ACTN1: variants seen among roughly 807,000 people sequenced by gnomAD.
The protein encoded by ACTN1 is alpha-actinin-1.
Under a neutral mutation model 119.6 loss-of-function variants are expected in ACTN1, and 30 were observed. The observed-to-expected ratio is 0.25, with a 90% CI of 0.19 to 0.34. ACTN1 has a LOEUF of 0.34. Among genes scored for constraint, ACTN1 ranks in the 10% least tolerant of loss-of-function variants. ACTN1 has a pLI of 1.00. For missense variants in ACTN1, 764 were observed against 1,223.4 expected (o/e 0.62, Z 5.60); for synonymous variants, 429 against 472.6 (o/e 0.91, Z 1.20).
chr14:68,945,545 G>C (rs1236433423), intron 1 of ACTN1, among the ~76,000 whole-genome samples: 1 of 152,226 alleles, frequency 6.6e-6, no homozygotes, highest in Non-Finnish European at 1.5e-5. Context: ...AGATGGAAAA[G>C]AGTGGCTGAA....
rs545249864 is a variant in ACTN1 at position 68,899,709 on chromosome 14, C to T, written c.762+2768G>A. Among the ~76,000 whole-genome samples, 7 of 152,358 alleles carry T rather than the reference C, an allele frequency of 4.6e-5. No individual in the cohort carries two copies. In the East Asian group the frequency reaches 1.3e-3, roughly 29 times the overall value. ...GTCACCAGCCAGGACACAGAGAAGG[C>T]TTCAGAGACAGGGAAGGCCAGCACC... is the stretch of plus-strand genomic sequence containing the variant. On this transcript the variant is annotated intron_variant, in intron 8 of 21. Transcript: ENST00000394419.
At chr14:68,910,623 C>G (rs774906835) in intron 4 of ACTN1, among the ~76,000 whole-genome samples, 19 of 152,096 alleles carry the variant, frequency 1.2e-4, no homozygotes, top group Non-Finnish European at 1.5e-5. Flanking sequence ...CACGGAGCTC[C>G]CAGCACAGAA....
intron 11 of ACTN1, chr14:68,887,977 C>T (rs1319572842): frequency 2.6e-5 from 20 of 777,254 alleles, no homozygotes; most frequent in South Asian, 5.4e-5. Context: ...CTGCGTTTTT[C>T]GGCTTCGCTT....
intron 4 of ACTN1, 128 bp downstream of exon 4, chr14:68,912,028 A>G: frequency 1.3e-6 from 1 of 757,236 alleles, no homozygotes; most frequent in Non-Finnish European, 2.2e-6. Flanking sequence ...ATGCCCAATA[A>G]ATGAGCAAGA....
chr14:68,920,878 G>A (rs892605444), intron 3 of ACTN1, 128 bp downstream of exon 3: 3 of 1,282,750 alleles, frequency 2.3e-6, no homozygotes, highest in South Asian at 1.4e-5. Flanking sequence ...CCAGATGGAG[G>A]TGCTGGGGAC....
chr14:68,879,832 G>A lies in ACTN1; in HGVS notation c.2280+130C>T. The A allele has an allele frequency of 7.4e-7, 1 of 1,343,916 alleles. No homozygotes were observed. The highest frequency in any genetic ancestry group is 1.0e-6 in the Non-Finnish European group (1 of 990,518). The allele number at this position is 1,343,916 out of a possible 1,614,324, so 83.2% of individuals were successfully genotyped here. A position where few individuals can be genotyped will look rare whatever the true frequency, so the allele number is the denominator to read the frequency against. Reference sequence around the variant, plus strand: ...TTGCAGGGTGCATTGAGTCAGGGCAGGCTGACGGCAGTTTCCCCTTTCTCT... The same window carrying A: ...TTGCAGGGTGCATTGAGTCAGGGCAAGCTGACGGCAGTTTCCCCTTTCTCT... On this transcript the variant is annotated intron_variant, in intron 18 of 21. Coordinates refer to ENST00000394419, the MANE Select transcript of ACTN1 (RefSeq NM_001130004.2). This position sits in a 1 kb window ranked among gnomAD's most constrained non-coding sequence, Gnocchi z 4.9.
intron 1 of ACTN1, among the ~76,000 whole-genome samples, chr14:68,967,365 C>T (rs1278016601): frequency 2.6e-5 from 4 of 152,196 alleles, no homozygotes; most frequent in Non-Finnish European, 5.9e-5. Context: ...ACTGGATACT[C>T]GGTGAATACC....
chr14:68,962,109 C>T (rs1234873466), intron 1 of ACTN1, among the ~76,000 whole-genome samples: 2 of 152,196 alleles, frequency 1.3e-5, no homozygotes, highest in Non-Finnish European at 2.9e-5. Context: ...GCCAACTAGG[C>T]TAGCAGCTTC....
chr14:68,936,687 G>A (rs564417928), intron 1 of ACTN1: 1 of 631,934 alleles, frequency 1.6e-6, no homozygotes, highest in East Asian at 3.6e-5. Context: ...TGAAGTCCTG[G>A]GCAAGAAGCC....
At chr14:68,877,378 T>C in intron 20 of ACTN1, 138 bp from the exon 21 acceptor site, 1 of 1,080,500 alleles carries the variant, frequency 9.3e-7, no homozygotes, top group Non-Finnish European at 1.3e-6. Flanking sequence ...ACCTGGGTTG[T>C]CCTAAGGGTA....
chr14:68,881,457 C>T (rs2031503581), intron 16 of ACTN1, among the ~76,000 whole-genome samples: 1 of 152,168 alleles, frequency 6.6e-6, no homozygotes, highest in Admixed American at 6.5e-5. Context: ...CCACCTGAAT[C>T]CCATTCATCC....
intron 1 of ACTN1, among the ~76,000 whole-genome samples, chr14:68,962,647 T>G (rs1448857372): frequency 6.6e-6 from 1 of 152,188 alleles, no homozygotes; most frequent in Non-Finnish European, 1.5e-5. Flanking sequence ...TGTTAGAAAT[T>G]CTATTCTGAG....
At chr14:68,936,496 T>C (rs1273339225) in intron 1 of ACTN1, 2 of 330,974 alleles carry the variant, frequency 6.0e-6, no homozygotes, top group Non-Finnish European at 1.1e-5. Flanking sequence ...TGTGCTGTCA[T>C]TACCTTTTTT....
chr14:68,930,431 C>T (rs2035171883), intron 1 of ACTN1, among the ~76,000 whole-genome samples: 1 of 152,202 alleles, frequency 6.6e-6, no homozygotes, highest in Non-Finnish European at 1.5e-5. Context: ...TGAATAATCA[C>T]ACTCTGCAAG....
At position 68,874,818 on chromosome 14, in the gene ACTN1, A is replaced by T. The variant is rs1312467312; in HGVS notation, c.*41T>A. The T allele has an allele frequency of 6.6e-7, 1 of 1,512,154 alleles. No individual in the cohort carries two copies. The highest frequency in any genetic ancestry group is 2.0e-5 in the Admixed American group (1 of 49,678). 93.7% of individuals were successfully genotyped at this position (1,512,154 alleles called of 1,614,324 possible). A position where few individuals can be genotyped will look rare whatever the true frequency, so the allele number is the denominator to read the frequency against. ...ATGGGCGACGGCGGAGGTGCAAGGC[A>T]GGGCACGGCGCACAAGACGAGGGCG... is the stretch of plus-strand genomic sequence containing the variant. On this transcript the variant is annotated 3_prime_UTR_variant, in exon 22 of 22. Coordinates refer to ENST00000394419, the MANE Select transcript of ACTN1 (RefSeq NM_001130004.2).
chr14:68,974,070 G>A (rs890906803), intron 1 of ACTN1: 1 of 152,568 alleles, frequency 6.6e-6, no homozygotes, highest in Non-Finnish European at 1.5e-5. Flanking sequence ...AGCAGGGCCA[G>A]TGGGGAAGGT....
chr14:68,943,324 C>G (rs1336673816), intron 1 of ACTN1, among the ~76,000 whole-genome samples: 1 of 152,202 alleles, frequency 6.6e-6, no homozygotes, highest in African/African-American at 2.4e-5. Context: ...GCAGATCTGT[C>G]CACCTCTGCT....
chr14:68,888,141 C>CT (rs1366150955), intron 11 of ACTN1: 1 of 564,232 alleles, frequency 1.8e-6, no homozygotes, highest in Non-Finnish European at 3.3e-6. Context: ...TGCTGACAGC[C>CT]TTTGCGAAAC....
At chr14:68,913,803 C>T (rs2034138299) in intron 3 of ACTN1, among the ~76,000 whole-genome samples, 1 of 152,218 alleles carries the variant, frequency 6.6e-6, no homozygotes, top group Admixed American at 6.5e-5. Flanking sequence ...CACAGTCCCA[C>T]ATCCAAATGC....
Sources: gnomAD v4.1 joint callset for allele counts (sites outside exome capture counted in the v4.1 genomes callset) on GRCh38, gnomAD v4.1.1 for gene constraint, Gnocchi (gnomAD v3.1) non-coding constraint, MANE v1.5 for transcripts, NCBI Gene and HGNC (gene_info 2026-07-23, HGNC 2026-07-21) for gene names.